Variants in SPEF2 observed in about 807,000 individuals in gnomAD.
The protein encoded by SPEF2 is sperm flagellar and cilia associated 2.
In SPEF2, 187 loss-of-function variants were observed where a neutral mutation model predicts 224.6. That is an observed-to-expected ratio of 0.83 (90% CI 0.74 to 0.94). The LOEUF (loss-of-function observed/expected upper bound fraction) is 0.94. Ranked by LOEUF, SPEF2 falls within the 40% of genes least tolerant of loss-of-function variation. SPEF2 has a pLI of 0.00. For synonymous variants in SPEF2, 715 were observed against 707.3 expected, an observed-to-expected ratio of 1.01 and a Z score of -0.17; for missense variants, 2,170 against 2,135.6, an observed-to-expected ratio of 1.02 and a Z score of -0.32.
At chr5:35,756,006 G>A (rs894051470) in intron 24 of SPEF2, among the ~76,000 whole-genome samples, 3 of 152,124 alleles carry the variant, frequency 2.0e-5, no homozygotes, top group African/African-American at 7.2e-5. Flanking sequence ...CAGTACAGTA[G>A]CTCCCCCTTC....
chr5:35,769,991 G>A (rs7729522), intron 26 of SPEF2, among the ~76,000 whole-genome samples: 4,454 of 33,134 alleles, frequency 0.13, 235 homozygotes, highest in African/African-American at 0.31. Flanking sequence ...CCTCCATAAT[G>A]TGTGTGTGTG....
intron 20 of SPEF2, among the ~76,000 whole-genome samples, chr5:35,718,356 A>G (rs1438727625): frequency 6.6e-6 from 1 of 152,172 alleles, no homozygotes; most frequent in East Asian, 1.9e-4. Flanking sequence ...AGGAGAAAGA[A>G]AAAAGTAGCA....
chr5:35,806,324 G>A (rs1212316605), intron 34 of SPEF2, among the ~76,000 whole-genome samples: 2 of 152,188 alleles, frequency 1.3e-5, no homozygotes, highest in Non-Finnish European at 2.9e-5. Flanking sequence ...TCAAGCTAGA[G>A]CAATTGACTT....
In SPEF2 at chr5:35,729,114, C is replaced by T. The variant is rs574107532; in HGVS notation, c.3063+1291C>T. On this transcript the variant is annotated intron_variant, in intron 21 of 36. Transcript: ENST00000356031. ...AAACAAAATTAACATTGAAATATGG[C>T]ACCAGCTCCATGTAGATCTTCCAGC... is the stretch of plus-strand genomic sequence containing the variant. 1.6e-4 allele frequency among the ~76,000 whole-genome samples: 25 copies of T among 152,188 alleles called. No individual in the cohort carries two copies. In the South Asian group the frequency reaches 5.2e-3, roughly 32 times the overall value.
intron 34 of SPEF2, among the ~76,000 whole-genome samples, chr5:35,803,319 G>A (rs536561608): frequency 6.6e-6 from 1 of 152,210 alleles, no homozygotes; most frequent in African/African-American, 2.4e-5. Flanking sequence ...AGCCAGGCTA[G>A]CTAGCACAGG....
intron 23 of SPEF2, among the ~76,000 whole-genome samples, chr5:35,746,742 C>G (rs1748596601): frequency 1.3e-5 from 2 of 152,072 alleles, no homozygotes; most frequent in African/African-American, 4.8e-5. Context: ...GCTTGGAAAA[C>G]ATATTTAGAG....
At chr5:35,764,986 T>A (rs1412698075) in intron 26 of SPEF2, among the ~76,000 whole-genome samples, 1 of 152,206 alleles carries the variant, frequency 6.6e-6, no homozygotes, top group Non-Finnish European at 1.5e-5. Context: ...TAAATACTCA[T>A]GGCACCACTA....
intron 5 of SPEF2, 113 bp downstream of exon 5, chr5:35,646,920 T>A: frequency 8.9e-7 from 1 of 1,119,106 alleles, no homozygotes; most frequent in Non-Finnish European, 1.3e-6. Flanking sequence ...CCAAATTATC[T>A]CTGACCTTGT....
In SPEF2 at chr5:35,740,279, G is replaced by A. The variant is rs566337130; in HGVS notation, c.3330+12G>A. On this transcript the variant is annotated intron_variant, in intron 23 of 36. Transcript: ENST00000356031. ...ATCAACGAGTGAATGTAAGGAAATA[G>A]TGACCTATTGGGACAGGGTTAGCTG... 4.5e-5 allele frequency: 73 copies of A among 1,613,584 alleles called. 1 individual carries two copies. The South Asian group carries it at 7.6e-4, about 17-fold the overall frequency.
chr5:35,692,886 A>T (rs2149537284), intron 12 of SPEF2, among the ~76,000 whole-genome samples, 162 bp downstream of exon 12: 1 of 152,300 alleles, frequency 6.6e-6, no homozygotes, highest in African/African-American at 2.4e-5. Context: ...ATTTAAGTTA[A>T]ATATTTAGGA....
chr5:35,811,594 A>T (rs1758533061), intron 36 of SPEF2, among the ~76,000 whole-genome samples: 1 of 151,094 alleles, frequency 6.6e-6, no homozygotes, highest in African/African-American at 2.4e-5. Context: ...AAATAGGGCC[A>T]ATGATCATAG....
At position 35,773,910 on chromosome 5, in the gene SPEF2, G is replaced by A; in HGVS notation, c.3967G>A (p.Ala1323Thr). The A allele has an allele frequency of 6.2e-7, 1 of 1,612,604 alleles. No individual in the cohort carries two copies. Among genetic ancestry groups the A allele is most frequent in the South Asian group, 1.1e-5 (1 of 90,860 alleles). Residue 1323 changes from alanine to threonine, a missense_variant, in exon 28 of 37, where the codon GCA (alanine) becomes ACA (threonine). By Grantham distance (58) the Ala-to-Thr change is moderately conservative (BLOSUM62 0). Transcript: ENST00000356031. ...KKPKGKSPPM[A>T]EATPVIVTTE... is the part of the protein sequence containing the mutation. ...CCTTTCAGGTAAATCACCACCTATG[G>A]CAGAAGCAACTCCTGTCATAGTAAC...
intron 16 of SPEF2, among the ~76,000 whole-genome samples, chr5:35,703,278 A>G (rs1353614943): frequency 6.6e-6 from 1 of 152,156 alleles, no homozygotes; most frequent in Non-Finnish European, 1.5e-5. Context: ...TAAGGCTGGT[A>G]CAGTAAAGGA....
Position 35,628,557 on chromosome 5 carries a change from C to T in SPEF2, c.156C>T (p.Asp52=). ...AGGATGATTTTTCAGAATTTTTGGA[C>T]AGCAGGTTAGTGAGATTATTCCTTT... is the stretch of plus-strand genomic sequence containing the variant. ...ELQDDFSEFL[D]SRVSSAKLNN... Residue 52 remains aspartate, a synonymous_variant, in exon 2 of 37, where the codon GAC becomes GAT. Transcript: ENST00000356031. 6.2e-7 allele frequency: 1 copy of T among 1,604,406 alleles called. No individual in the cohort carries two copies. The highest frequency in any genetic ancestry group is 2.2e-5 in the East Asian group (1 of 44,822).
intron 25 of SPEF2, 135 bp downstream of exon 25, chr5:35,759,854 A>C: frequency 1.5e-5 from 12 of 796,220 alleles, no homozygotes; most frequent in South Asian, 3.3e-5. Flanking sequence ...ATAACCAAAC[A>C]TGTTTTTTTT....
At chr5:35,780,830 C>T (rs926335332) in intron 30 of SPEF2, among the ~76,000 whole-genome samples, 14 of 152,256 alleles carry the variant, frequency 9.2e-5, no homozygotes, top group African/African-American at 2.4e-4. Flanking sequence ...TCTGGGGACA[C>T]TTGAATAGGT....
intron 34 of SPEF2, among the ~76,000 whole-genome samples, chr5:35,805,237 C>T (rs1389837): frequency 0.32 from 48,272 of 151,860 alleles, 8,292 homozygotes; most frequent in African/African-American, 0.44. Flanking sequence ...AAATTCCCAA[C>T]TTAACAATGG....
At chr5:35,763,816 T>C in intron 26 of SPEF2, 114 bp downstream of exon 26, 1 of 917,060 alleles carries the variant, frequency 1.1e-6, no homozygotes, top group Non-Finnish European at 1.5e-6. Flanking sequence ...TGTAGAAAAT[T>C]GTACCTTCGA....
intron 2 of SPEF2, among the ~76,000 whole-genome samples, chr5:35,633,452 G>T (rs755648772): frequency 6.6e-5 from 10 of 151,764 alleles, no homozygotes; most frequent in Non-Finnish European, 1.2e-4. Context: ...AGTCACTCTA[G>T]TCCTGTTTTG....
Sources: allele counts gnomAD v4.1 joint callset (sites outside exome capture counted in the v4.1 genomes callset), GRCh38; gene constraint gnomAD v4.1.1; transcripts MANE v1.5; gene names NCBI Gene and HGNC (gene_info 2026-07-23, HGNC 2026-07-21).